Variants in KLHL5 observed in about 807,000 individuals in gnomAD.
KLHL5 encodes kelch like family member 5.
KLHL5 carries 48 observed loss-of-function variants against 77.7 expected under a neutral mutation model. The observed-to-expected ratio is 0.62, with a 90% CI of 0.49 to 0.79. The LOEUF is 0.79. Ranked by LOEUF, KLHL5 falls within the 30% of genes least tolerant of loss-of-function variation. The probability of loss-of-function intolerance (pLI) is 0.00; values close to 1 mark genes in which losing one functional copy is unlikely to be tolerated. For synonymous variants in KLHL5, 260 were observed against 297.0 expected (o/e 0.88, Z 1.28); for missense variants, 723 against 859.7 (o/e 0.84, Z 1.99).
intron 1 of KLHL5, among the ~76,000 whole-genome samples, chr4:39,048,967 C>T (rs1317884012): frequency 6.6e-6 from 1 of 152,062 alleles, no homozygotes; most frequent in Non-Finnish European, 1.5e-5. Context: ...GGGCTTCTGT[C>T]TGGAAGTGAC....
In KLHL5 at chr4:39,086,543, A is replaced by G; in HGVS notation, c.929A>G (p.Gln310Arg). Reference protein sequence around the residue: ...MEHFMEVIRNQEFVLLPASEI... With the variant: ...MEHFMEVIRNREFVLLPASEI... The stretch of plus-strand genomic sequence containing the variant: ...CATTTCATGGAAGTAATCAGAAACC[A>G]GGAATTTGTATTATTACCAGCCAGC... The change falls in exon 5 of 11, where the codon CAG becomes CGG. Residue 310 changes from glutamine (Q) to arginine (R), a missense_variant. Physicochemically the swap from Gln to Arg is conservative, Grantham distance 43. This residue lies in a region of KLHL5 where 288 missense variants were observed against 400.3 expected (regional missense o/e 0.72). Transcript: ENST00000504108. 1 of 1,613,968 alleles carries G rather than the reference A, an allele frequency of 6.2e-7. No homozygotes were observed. Among genetic ancestry groups the G allele is most frequent in the Admixed American group, 1.7e-5 (1 of 59,996 alleles).
chr4:39,104,965 A>T (rs1409191038), intron 7 of KLHL5, among the ~76,000 whole-genome samples: 2 of 151,644 alleles, frequency 1.3e-5, no homozygotes, highest in African/African-American at 4.9e-5. Context: ...ACGTTTCACC[A>T]TGTTGTCCAG....
the KLHL5 span, among the ~76,000 whole-genome samples, chr4:39,140,122 G>T: frequency 3.0e-4 from 45 of 152,206 alleles, no homozygotes; most frequent in Admixed American, 1.1e-3. Flanking sequence ...AGCTACTTGG[G>T]GGGGGCTGGG....
At chr4:39,106,238 G>A (rs778526250) in intron 7 of KLHL5, among the ~76,000 whole-genome samples, 7 of 152,174 alleles carry the variant, frequency 4.6e-5, no homozygotes, top group East Asian at 1.9e-4. Flanking sequence ...TGCACGTGCC[G>A]TTTCCTCTGC....
chr4:39,065,595 C>T (rs1043805862), intron 1 of KLHL5, among the ~76,000 whole-genome samples: 17 of 152,094 alleles, frequency 1.1e-4, no homozygotes, highest in Non-Finnish European at 1.6e-4. Flanking sequence ...CTCAAGTGAT[C>T]CGCCCACGTC....
chr4:39,071,985 T>G (rs752765777), intron 1 of KLHL5, among the ~76,000 whole-genome samples: 1 of 152,092 alleles, frequency 6.6e-6, no homozygotes, highest in African/African-American at 2.4e-5. Context: ...ATGTAAAAGA[T>G]CAAGTAGAAA....
intron 8 of KLHL5, 98 bp from the exon 9 acceptor site, chr4:39,112,922 C>A (rs925998045): frequency 9.8e-7 from 1 of 1,019,372 alleles, no homozygotes; most frequent in Non-Finnish European, 1.4e-6. Context: ...TAACTGATGG[C>A]ACCTTAAATT....
chr4:39,059,021 T>C (rs114409239), upstream of KLHL5, among the ~76,000 whole-genome samples: 2,821 of 152,206 alleles, frequency 0.019, 93 homozygotes, highest in African/African-American at 0.065. Flanking sequence ...GTGAAGACCA[T>C]TTTGATAATT....
In KLHL5 at chr4:39,069,263, C is replaced by G. The variant is rs561030338; in HGVS notation, c.383+6228C>G. Among the ~76,000 whole-genome samples, 112 of 151,898 alleles carry G rather than the reference C, an allele frequency of 7.4e-4. 2 individuals carry two copies. Among genetic ancestry groups the G allele is most frequent in the Non-Finnish European group, 1.5e-3 (104 of 67,980 alleles). On this transcript the variant is annotated intron_variant, in intron 1 of 10. Coordinates refer to ENST00000504108, the MANE Select transcript of KLHL5 (RefSeq NM_015990.5). Reference sequence around the variant, plus strand: ...TACAAAGGAGGCTCAGAAATACAGTCTTACCCTAGGTAGCCATGTCTCCAG... The same window carrying G: ...TACAAAGGAGGCTCAGAAATACAGTGTTACCCTAGGTAGCCATGTCTCCAG...
Position 39,081,134 on chromosome 4 carries a change from G to A in KLHL5, c.598G>A (p.Ala200Thr). The A allele has an allele frequency of 1.2e-6, 2 of 1,611,928 alleles. No individual in the cohort carries two copies. The highest frequency in any genetic ancestry group is 8.5e-7 in the Non-Finnish European group (1 of 1,179,396). ...LVLSSVSDYF[A>T]AMFTNDVREA... ...GCTCTCCTCTGTCTCAGACTATTTTGCTGCCATGTTTACTAATGATGTCAG... is the reference window on the plus strand; with the variant it reads ...GCTCTCCTCTGTCTCAGACTATTTTACTGCCATGTTTACTAATGATGTCAG... Residue 200 changes from alanine (A) to threonine (T), a missense_variant, in exon 3 of 11, where the codon GCT (alanine) becomes ACT (threonine). Ala to Thr is a moderately conservative substitution (Grantham distance 58). Coordinates refer to ENST00000504108, the MANE Select transcript of KLHL5 (RefSeq NM_015990.5). The surrounding 1 kb of genome is among the most constrained non-coding windows in gnomAD (Gnocchi z 4.3).
downstream of KLHL5, among the ~76,000 whole-genome samples, chr4:39,129,176 A>C (rs1384154226): frequency 2.8e-5 from 4 of 140,844 alleles, no homozygotes; most frequent in Non-Finnish European, 4.6e-5. The surrounding 1 kb of genome is among the most constrained non-coding windows in gnomAD (Gnocchi z 4.2). Context: ...AAAAAAAAAA[A>C]CAATTACAAC....
At chr4:39,127,855 G>A (rs915394642), downstream of KLHL5, among the ~76,000 whole-genome samples, 11 of 152,162 alleles carry the variant, frequency 7.2e-5, no homozygotes, top group Non-Finnish European at 1.3e-4. Flanking sequence ...AGCCATCTCT[G>A]CAGTGACAAG....
At chr4:39,086,029 TG>T (rs1466429587) in intron 4 of KLHL5, among the ~76,000 whole-genome samples, 1 of 152,192 alleles carries the variant, frequency 6.6e-6, no homozygotes, top group Non-Finnish European at 1.5e-5. Flanking sequence ...AGAATGATTC[TG>T]GGAAATGTAG....
At chr4:39,116,464 G>T (rs1722849727) in intron 10 of KLHL5, 1 of 152,218 alleles carries the variant, frequency 6.6e-6, no homozygotes, top group African/African-American at 2.4e-5. Flanking sequence ...GTGTCCCATG[G>T]TACAGGCGCC....
chr4:39,049,502 G>A (rs1430361), intron 1 of KLHL5, among the ~76,000 whole-genome samples: 115,175 of 151,864 alleles, frequency 0.76, 43,692 homozygotes, highest in East Asian at 0.82. Context: ...TCTGGACAAC[G>A]TAGTGAGACC....
chr4:39,081,278 T>G lies in KLHL5; in HGVS notation c.703+39T>G. 3 of 1,509,902 alleles carry G rather than the reference T, an allele frequency of 2.0e-6. No homozygotes were observed. The highest frequency in any genetic ancestry group is 2.7e-6 in the Non-Finnish European group (3 of 1,118,832). 93.5% of individuals were successfully genotyped at this position (1,509,902 alleles called of 1,614,324 possible). A position where few individuals can be genotyped will look rare whatever the true frequency, so the allele number is the denominator to read the frequency against. ...AAATGTAAATTAAAACCTCTTAGAT[T>G]TATGTTGTATTATTAGATTTCAGAT... On this transcript the variant is annotated intron_variant, in intron 3 of 10. Transcript: ENST00000504108. This position sits in a 1 kb window ranked among gnomAD's most constrained non-coding sequence, Gnocchi z 4.3.
chr4:39,127,380 A>G (rs1350151074), downstream of KLHL5, among the ~76,000 whole-genome samples: 2 of 151,978 alleles, frequency 1.3e-5, no homozygotes, highest in Non-Finnish European at 2.9e-5. Context: ...GGAGGCGTTC[A>G]CCTTCGGGGG....
chr4:39,097,567 A>G (rs1272582994), intron 6 of KLHL5, among the ~76,000 whole-genome samples: 1 of 152,006 alleles, frequency 6.6e-6, no homozygotes, highest in African/African-American at 2.4e-5. Context: ...CCTTGCCAGG[A>G]GCATATAACC....
intron 8 of KLHL5, among the ~76,000 whole-genome samples, chr4:39,108,162 TTTTC>T (rs1722187328): frequency 6.6e-6 from 1 of 152,068 alleles, no homozygotes; most frequent in Non-Finnish European, 1.5e-5. Context: ...CTTTTACCTC[TTTTC>T]TTTCTTATCT....
Sources: gnomAD v4.1 joint callset for allele counts (sites outside exome capture counted in the v4.1 genomes callset) on GRCh38, gnomAD v4.1.1 for gene constraint, gnomAD v4.1.1 regional missense constraint, Gnocchi (gnomAD v3.1) non-coding constraint, MANE v1.5 for transcripts, NCBI Gene and HGNC (gene_info 2026-07-23, HGNC 2026-07-21) for gene names.